The following DPP6 variants were observed in gnomAD, a reference collection of about 807,000 sequenced individuals.
DPP6 encodes the protein dipeptidyl peptidase like 6.
In DPP6, 69 loss-of-function variants were observed where a neutral mutation model predicts 122.6. The observed-to-expected ratio is 0.56, with a 90% CI of 0.46 to 0.69. The LOEUF (loss-of-function observed/expected upper bound fraction) is 0.69. DPP6 is among the 30% of genes least tolerant of loss of function. DPP6 has a pLI of 0.00. For missense variants in DPP6, 928 were observed against 1,116.9 expected, an observed-to-expected ratio of 0.83 and a Z score of 2.41; for synonymous variants, 418 against 433.1, an observed-to-expected ratio of 0.97 and a Z score of 0.43.
intron 8 of DPP6, among the ~76,000 whole-genome samples, chr7:154,766,911 C>T (rs2131538617): frequency 6.6e-6 from 1 of 152,290 alleles, no homozygotes; most frequent in South Asian, 2.1e-4. Context: ...GACCCTTGCC[C>T]CCCCTTGCCT....
intron 3 of DPP6, among the ~76,000 whole-genome samples, chr7:154,478,185 T>A (rs149071278): frequency 5.3e-5 from 8 of 152,188 alleles, no homozygotes; most frequent in African/African-American, 1.9e-4. Flanking sequence ...AGTGTTAAGA[T>A]CTGGGAAAAG....
At chr7:154,249,712 C>CCGCT (rs1802226958) in intron 1 of DPP6, among the ~76,000 whole-genome samples, 1 of 152,076 alleles carries the variant, frequency 6.6e-6, no homozygotes, top group African/African-American at 2.4e-5. Context: ...TGCCACGGAG[C>CCGCT]CTGTCCCCAG....
chr7:153,799,679 A>C, the DPP6 span, among the ~76,000 whole-genome samples: 1 of 151,946 alleles, frequency 6.6e-6, no homozygotes, highest in Non-Finnish European at 1.5e-5. Flanking sequence ...AATGTTTGAA[A>C]TTTGCCACTT....
At chr7:154,705,621 G>A (rs566799762) in intron 7 of DPP6, among the ~76,000 whole-genome samples, 32 of 152,308 alleles carry the variant, frequency 2.1e-4, no homozygotes, top group African/African-American at 7.5e-4. Context: ...TGGCAGGGAT[G>A]GAATCCTGCA....
chr7:154,866,097 C>A (rs969931609), intron 17 of DPP6, among the ~76,000 whole-genome samples: 1 of 152,142 alleles, frequency 6.6e-6, no homozygotes, highest in Non-Finnish European at 1.5e-5. Flanking sequence ...GTAACGCTTG[C>A]GTTGATGGAG....
In DPP6 at chr7:153,914,464, C is replaced by T. The variant is rs577245411; in HGVS notation, c.51+26730C>T. Among the ~76,000 whole-genome samples, 25 of 152,260 alleles carry T rather than the reference C, an allele frequency of 1.6e-4. No individual in the cohort carries two copies. In the South Asian group the frequency reaches 4.6e-3, roughly 28 times the overall value. ...ATAAGAATTTTCTCTTCAGTAGGAG[C>T]CCTTTTAAATTGCAGAAGTGCTTTC... On this transcript the variant is annotated intron_variant, in intron 1 of 25. Transcript: ENST00000404039.
At chr7:154,230,790 T>G (rs1240226295) in intron 1 of DPP6, among the ~76,000 whole-genome samples, 5 of 152,246 alleles carry the variant, frequency 3.3e-5, no homozygotes, top group African/African-American at 1.2e-4. Context: ...AAACATTGAC[T>G]GAATGAGCCC....
At chr7:154,447,585 C>T (rs906539966) in intron 2 of DPP6, among the ~76,000 whole-genome samples, 4 of 151,950 alleles carry the variant, frequency 2.6e-5, no homozygotes, top group Admixed American at 6.6e-5. Flanking sequence ...GAGAAAAGGA[C>T]GATCTGTACC....
At chr7:154,622,779 G>C (rs1012280363) in intron 5 of DPP6, among the ~76,000 whole-genome samples, 4 of 152,160 alleles carry the variant, frequency 2.6e-5, no homozygotes, top group African/African-American at 9.7e-5. Context: ...CAGCACACAT[G>C]GACCACGGTC....
At chr7:154,865,602 A>T (rs1803795591) in intron 17 of DPP6, 1 of 152,070 alleles carries the variant, frequency 6.6e-6, no homozygotes. Context: ...TCAATTTCTA[A>T]ACACCAGAAA....
At chr7:154,453,151 C>A (rs1673984028) in intron 2 of DPP6, among the ~76,000 whole-genome samples, 1 of 152,176 alleles carries the variant, frequency 6.6e-6, no homozygotes, top group Admixed American at 6.5e-5. Flanking sequence ...GAAACTCCAG[C>A]AGGATCGGAT....
chr7:154,883,898 TTACA>T (rs1805768270), intron 21 of DPP6: 1 of 108,010 alleles, frequency 9.3e-6, no homozygotes, highest in Non-Finnish European at 1.9e-5. Context: ...CTCACACACA[TTACA>T]TACACATGCT....
intron 8 of DPP6, among the ~76,000 whole-genome samples, chr7:154,765,363 A>G (rs1390897479): frequency 1.3e-5 from 2 of 152,162 alleles, no homozygotes; most frequent in African/African-American, 4.8e-5. Context: ...ACAACAGTCC[A>G]ATGGAGTCCC....
chr7:154,795,255 C>A (rs1797974129), intron 11 of DPP6, among the ~76,000 whole-genome samples: 2 of 152,178 alleles, frequency 1.3e-5, no homozygotes, highest in Non-Finnish European at 2.9e-5. Context: ...CCAGTCTGCA[C>A]CAGCACCAGG....
chr7:154,574,385 G>A lies in DPP6; in HGVS notation c.627+7469G>A, dbSNP rs1374978110. On this transcript the variant is annotated intron_variant, in intron 5 of 25. Coordinates refer to ENST00000377770, the MANE Select transcript of DPP6 (RefSeq NM_130797.4). ...TGTTGTGTATGTGTGTGTATGTGGT[G>A]TGTGTATGTGTGTGGTGTGTGTATG... 6.9e-5 allele frequency among the ~76,000 whole-genome samples: 10 copies of A among 145,762 alleles called. No homozygotes were observed. In the East Asian group the frequency reaches 1.8e-3, roughly 27 times the overall value.
At chr7:154,514,367 C>T (rs1826326900) in intron 3 of DPP6, among the ~76,000 whole-genome samples, 1 of 152,032 alleles carries the variant, frequency 6.6e-6, no homozygotes, top group Admixed American at 6.5e-5. Flanking sequence ...ATTTTTCTTT[C>T]TCAGGAATTC....
intron 2 of DPP6, among the ~76,000 whole-genome samples, chr7:154,454,173 G>T (rs915436219): frequency 1.6e-4 from 24 of 152,184 alleles, no homozygotes; most frequent in African/African-American, 5.8e-4. Flanking sequence ...GGTGGCTTGA[G>T]TGGGTTCTGG....
intron 3 of DPP6, among the ~76,000 whole-genome samples, chr7:154,516,161 T>C (rs1826482029): frequency 6.6e-6 from 1 of 152,176 alleles, no homozygotes; most frequent in African/African-American, 2.4e-5. Flanking sequence ...CTCTGTTTAA[T>C]GTAACTTCAC....
chr7:154,691,559 T>C (rs1173638566), intron 7 of DPP6, among the ~76,000 whole-genome samples: 1 of 152,238 alleles, frequency 6.6e-6, no homozygotes, highest in Non-Finnish European at 1.5e-5. Flanking sequence ...GGCTCACTCC[T>C]GTAATCTCAG....
Sources: gnomAD v4.1 joint callset for allele counts (sites outside exome capture counted in the v4.1 genomes callset) on GRCh38, gnomAD v4.1.1 for gene constraint, MANE v1.5 for transcripts, NCBI Gene and HGNC (gene_info 2026-07-23, HGNC 2026-07-21) for gene names.